The following LRRC8D variants were observed in gnomAD, a reference collection of about 807,000 sequenced individuals.
The protein encoded by LRRC8D is volume-regulated anion channel subunit LRRC8D.
Under a neutral mutation model 55.8 loss-of-function variants are expected in LRRC8D, and 20 were observed. The observed-to-expected ratio is 0.36, with a 90% CI of 0.25 to 0.52. The LOEUF (loss-of-function observed/expected upper bound fraction) is 0.52. LRRC8D is among the 20% of genes least tolerant of loss of function. LRRC8D has a pLI of 0.93. For missense variants in LRRC8D, 651 were observed against 1,030.8 expected (o/e 0.63, Z 5.05); for synonymous variants, 352 against 377.0 (o/e 0.93, Z 0.77).
intron 2 of LRRC8D, among the ~76,000 whole-genome samples, chr1:89,906,756 T>C (rs1663004118): frequency 6.6e-6 from 1 of 152,118 alleles, no homozygotes. Context: ...GCATTTGTAG[T>C]AGGCACTGGA....
intron 2 of LRRC8D, among the ~76,000 whole-genome samples, chr1:89,874,643 T>C (rs1191969875): frequency 1.3e-5 from 2 of 152,128 alleles, no homozygotes; most frequent in African/African-American, 4.8e-5. Flanking sequence ...TCCTCTCCAC[T>C]CAGTATGTAT....
rs1662467557 is a variant in LRRC8D, at chr1:89,888,040, G to A, written c.-3+44258G>A. Among the ~76,000 whole-genome samples, 3 of 152,150 alleles carry A rather than the reference G, an allele frequency of 2.0e-5. No homozygotes were observed. The South Asian group carries it at 6.2e-4, about 32-fold the overall frequency. ...TTGTCAAAACCCATAAAACTTTACAGCACATATATTGAACATTAATGTATC... is the reference window on the plus strand; with the variant it reads ...TTGTCAAAACCCATAAAACTTTACAACACATATATTGAACATTAATGTATC... On this transcript the variant is annotated intron_variant, in intron 2 of 2. Transcript: ENST00000337338.
In LRRC8D at chr1:89,933,104, C is replaced by T. The variant is rs1344045207; in HGVS notation, c.36C>T (p.Asp12=). Reference sequence around the variant, plus strand: ...TTGCGGAAGTTGCATCACTTAATGACATTCAGCCAACTTACCGAATCCTGA... The same window carrying T: ...TTGCGGAAGTTGCATCACTTAATGATATTCAGCCAACTTACCGAATCCTGA... ...FTLAEVASLN[D]IQPTYRILKP... Residue 12 remains aspartate, a synonymous_variant, in exon 3 of 3, where the codon GAC becomes GAT. Coordinates refer to ENST00000337338, the MANE Select transcript of LRRC8D (RefSeq NM_001134479.2). The surrounding 1 kb of genome is among the most constrained non-coding windows in gnomAD (Gnocchi z 7.0). The T allele has an allele frequency of 1.2e-6, 2 of 1,612,442 alleles. No individual in the cohort carries two copies. The highest frequency in any genetic ancestry group is 1.7e-6 in the Non-Finnish European group (2 of 1,178,630).
intron 2 of LRRC8D, among the ~76,000 whole-genome samples, chr1:89,904,398 C>G (rs989419422): frequency 2.6e-5 from 4 of 152,188 alleles, no homozygotes; most frequent in Non-Finnish European, 5.9e-5. Flanking sequence ...GCCTGCTGGT[C>G]TGGTTCCTGG....
At chr1:89,887,544 C>T (rs1449765979) in intron 2 of LRRC8D, among the ~76,000 whole-genome samples, 3 of 152,172 alleles carry the variant, frequency 2.0e-5, no homozygotes, top group Non-Finnish European at 4.4e-5. Context: ...AAGCTTTCAA[C>T]CTATGAAAAC....
intron 1 of LRRC8D, among the ~76,000 whole-genome samples, chr1:89,829,886 T>C (rs1023370328): frequency 6.6e-6 from 1 of 152,224 alleles, no homozygotes; most frequent in Non-Finnish European, 1.5e-5. Context: ...GAATGCCACT[T>C]GTAAAGTACA....
rs971854340 is a variant in LRRC8D at position 89,871,286 on chromosome 1, T to G, written c.-3+27504T>G. On this transcript the variant is annotated intron_variant, in intron 2 of 2. Coordinates refer to ENST00000337338, the MANE Select transcript of LRRC8D (RefSeq NM_001134479.2). ...CAGTCTCATGGGCAATGTAACAAAG[T>G]TTGTATTTTGTGCTTTGTTAAAGAA... is the stretch of plus-strand genomic sequence containing the variant. Among the ~76,000 whole-genome samples the G allele has an allele frequency of 5.3e-5, 8 of 152,266 alleles. No individual in the cohort carries two copies. The South Asian group carries it at 1.2e-3, about 24-fold the overall frequency.
chr1:89,898,246 A>G (rs369448492), intron 2 of LRRC8D, among the ~76,000 whole-genome samples: 10 of 152,346 alleles, frequency 6.6e-5, no homozygotes, highest in Non-Finnish European at 1.0e-4. Flanking sequence ...TCTAAAAGCA[A>G]TTCATGGGAG....
intron 1 of LRRC8D, among the ~76,000 whole-genome samples, chr1:89,821,647 G>T (rs1660635772): frequency 6.6e-6 from 1 of 152,152 alleles, no homozygotes; most frequent in Admixed American, 6.5e-5. Flanking sequence ...TCGGAAAGGC[G>T]GGGAGAGCCG....
chr1:89,833,587 G>T (rs568775184), intron 1 of LRRC8D: 1 of 152,290 alleles, frequency 6.6e-6, no homozygotes, highest in Non-Finnish European at 1.5e-5. Flanking sequence ...TTGTGGACTC[G>T]TGTGACCTTG....
chr1:89,834,170 C>G (rs1660950856), intron 1 of LRRC8D, among the ~76,000 whole-genome samples: 1 of 152,114 alleles, frequency 6.6e-6, no homozygotes, highest in East Asian at 1.9e-4. Context: ...TATAACAGAA[C>G]AAAATTGGGT....
chr1:89,843,746 G>T lies in LRRC8D; in HGVS notation c.-39G>T. On this transcript the variant is annotated 5_prime_UTR_variant, in exon 2 of 3. Coordinates refer to ENST00000337338, the MANE Select transcript of LRRC8D (RefSeq NM_001134479.2). ...AGCTCGCCCAAGCCGCGTCCCCAGA[G>T]AGCGCCCTGAGAGAACAGGGTGGCC... The T allele has an allele frequency of 2.9e-6, 2 of 699,420 alleles. No homozygotes were observed. The highest frequency in any genetic ancestry group is 2.7e-5 in the East Asian group (1 of 37,128). 43.3% of individuals were successfully genotyped at this position (699,420 alleles called of 1,614,324 possible). A position where few individuals can be genotyped will look rare whatever the true frequency, so the allele number is the denominator to read the frequency against.
chr1:89,827,408 C>T (rs1471779929), intron 1 of LRRC8D, among the ~76,000 whole-genome samples: 1 of 151,356 alleles, frequency 6.6e-6, no homozygotes, highest in Non-Finnish European at 1.5e-5. Flanking sequence ...TGAGTTTTCA[C>T]TGTGTTTTTT....
At chr1:89,893,724 C>T (rs904860853) in intron 2 of LRRC8D, among the ~76,000 whole-genome samples, 1 of 152,114 alleles carries the variant, frequency 6.6e-6, no homozygotes, top group Non-Finnish European at 1.5e-5. Flanking sequence ...TGCCTTGAGA[C>T]ATGCAGTTGG....
intron 2 of LRRC8D, among the ~76,000 whole-genome samples, chr1:89,848,412 C>T (rs1661331227): frequency 6.6e-6 from 1 of 152,076 alleles, no homozygotes. Context: ...TAGGATTTAT[C>T]CCTGTTCTGC....
rs767803988 is a variant in LRRC8D at position 89,933,998 on chromosome 1, CCAAA to C, written c.933_936del (p.Thr312LeufsTer34). ...ACTTGATCTATAAACTCTATGTGGT[CCAAA>C]CAGTTATCAAAACAGCCAAGTTCAT... On this transcript the variant is annotated frameshift_variant, in exon 3 of 3. Coordinates refer to ENST00000337338, the MANE Select transcript of LRRC8D (RefSeq NM_001134479.2). LOFTEE classifies it high-confidence loss of function. The surrounding 1 kb of genome is among the most constrained non-coding windows in gnomAD (Gnocchi z 7.0). 3 of 1,614,020 alleles carry C rather than the reference CCAAA, an allele frequency of 1.9e-6. No individual in the cohort carries two copies.
At chr1:89,891,438 T>C (rs1032660715) in intron 2 of LRRC8D, among the ~76,000 whole-genome samples, 1 of 152,220 alleles carries the variant, frequency 6.6e-6, no homozygotes, top group East Asian at 1.9e-4. Flanking sequence ...CATTATAGAA[T>C]TATTGTTTTC....
At chr1:89,849,490 C>T (rs1327383543) in intron 2 of LRRC8D, among the ~76,000 whole-genome samples, 5 of 146,542 alleles carry the variant, frequency 3.4e-5, no homozygotes, top group African/African-American at 7.6e-5. Flanking sequence ...TGCATAATGC[C>T]TTTTTTTTTT....
chr1:89,850,381 A>G (rs887240614), intron 2 of LRRC8D, among the ~76,000 whole-genome samples: 1 of 152,184 alleles, frequency 6.6e-6, no homozygotes, highest in Admixed American at 6.5e-5. Flanking sequence ...TCACCCAGGT[A>G]TTAAGCCTAG....
Sources: allele counts gnomAD v4.1 joint callset (sites outside exome capture counted in the v4.1 genomes callset), GRCh38; gene constraint gnomAD v4.1.1; non-coding constraint Gnocchi (gnomAD v3.1); transcripts MANE v1.5; gene names NCBI Gene and HGNC (gene_info 2026-07-23, HGNC 2026-07-21).